Variants in CCDC178 observed in about 807,000 individuals in gnomAD.
CCDC178 encodes coiled-coil domain-containing protein 178.
Under a neutral mutation model 117.4 loss-of-function variants are expected in CCDC178, and 126 were observed. The ratio of observed to expected loss-of-function variants is 1.07; its 90% confidence interval spans 0.93 to 1.24. The LOEUF is 1.24. Among genes scored for constraint, CCDC178 ranks in the 50% most tolerant of loss-of-function variants. CCDC178 has a pLI of 0.00. For missense variants in CCDC178, 1,030 were observed against 986.9 expected (o/e 1.04, Z -0.59); for synonymous variants, 283 against 313.4 (o/e 0.90, Z 1.02).
In CCDC178 at chr18:33,298,290, G is replaced by A. The variant is rs148235564; in HGVS notation, c.1023-4978C>T. On this transcript the variant is annotated intron_variant, in intron 11 of 22. Transcript: ENST00000383096. Reference sequence around the variant, plus strand: ...ATGATAACACACCATGATCAGGTGGGATTTATCCCAGAAAGTCAAGAATGA... The same window carrying A: ...ATGATAACACACCATGATCAGGTGGAATTTATCCCAGAAAGTCAAGAATGA... Among the ~76,000 whole-genome samples, 808 of 152,246 alleles carry A rather than the reference G, an allele frequency of 5.3e-3. 8 individuals carry two copies. Among genetic ancestry groups the A allele is most frequent in the Non-Finnish European group, 6.3e-3 (427 of 68,026 alleles).
intron 20 of CCDC178, 143 bp downstream of exon 20, chr18:33,211,752 AC>A (rs2059110026): frequency 1.6e-6 from 1 of 608,558 alleles, no homozygotes; most frequent in Admixed American, 3.8e-5. Flanking sequence ...AACAATGAAA[AC>A]TTCCAGGTTT....
intron 21 of CCDC178, among the ~76,000 whole-genome samples, chr18:33,041,762 G>A (rs2056553948): frequency 6.6e-6 from 1 of 151,620 alleles, no homozygotes; most frequent in African/African-American, 2.4e-5. Context: ...CAATATCAGA[G>A]TTGAAGAATT....
chr18:33,153,733 A>AATAT (rs2058363782), intron 20 of CCDC178, among the ~76,000 whole-genome samples: 1 of 152,074 alleles, frequency 6.6e-6, no homozygotes, highest in African/African-American at 2.4e-5. Context: ...TTATACAGTA[A>AATAT]ATGTTCTTCA....
At chr18:33,389,855 G>A (rs2063543445) in intron 4 of CCDC178, among the ~76,000 whole-genome samples, 1 of 151,732 alleles carries the variant, frequency 6.6e-6, no homozygotes, top group Non-Finnish European at 1.5e-5. Flanking sequence ...AAAATAGCAT[G>A]AGGCTGTTTA....
At chr18:33,364,729 CTCCTTT>C (rs1409341742) in intron 6 of CCDC178, among the ~76,000 whole-genome samples, 6 of 123,608 alleles carry the variant, frequency 4.9e-5, no homozygotes, top group Non-Finnish European at 9.8e-5. Context: ...TCTGTTGTCG[CTCCTTT>C]TTTTTTTTTT....
chr18:33,215,399 C>A (rs994220093), intron 19 of CCDC178, 151 bp downstream of exon 19: 10 of 486,042 alleles, frequency 2.1e-5, no homozygotes, highest in Admixed American at 9.8e-5. Flanking sequence ...CTTTTATAAA[C>A]TAAAATTATC....
At chr18:33,288,987 ATAC>A in intron 12 of CCDC178, among the ~76,000 whole-genome samples, 1 of 152,316 alleles carries the variant, frequency 6.6e-6, no homozygotes, top group African/African-American at 2.4e-5. Context: ...AGAGAAACTC[ATAC>A]TACTATCTAT....
In CCDC178 at chr18:33,166,875, C is replaced by T. The variant is rs181402211; in HGVS notation, c.2238+45021G>A. The stretch of plus-strand genomic sequence containing the variant: ...GATTGATGAAGAGATTATTTTGTTA[C>T]TCAGGTAATAAGCATAGTACCTGAT... On this transcript the variant is annotated intron_variant, in intron 20 of 22. Coordinates refer to ENST00000383096, the MANE Select transcript of CCDC178 (RefSeq NM_001105528.4). 1.5e-3 allele frequency among the ~76,000 whole-genome samples: 232 copies of T among 152,270 alleles called. 1 individual carries two copies. Among genetic ancestry groups the T allele is most frequent in the Admixed American group, 3.9e-3 (59 of 15,294 alleles).
At chr18:33,082,315 A>C (rs540600605) in intron 21 of CCDC178, among the ~76,000 whole-genome samples, 2 of 152,204 alleles carry the variant, frequency 1.3e-5, no homozygotes, top group South Asian at 4.2e-4. Context: ...TACCAAAAGT[A>C]CAAAAAATTA....
At chr18:33,269,816 T>C (rs992425880) in intron 12 of CCDC178, among the ~76,000 whole-genome samples, 8 of 151,770 alleles carry the variant, frequency 5.3e-5, no homozygotes, top group Non-Finnish European at 7.4e-5. Context: ...ATTTAAAATG[T>C]TCAGTTTTCA....
At chr18:33,382,907 G>C (rs1198211583) in intron 5 of CCDC178, among the ~76,000 whole-genome samples, 1 of 152,194 alleles carries the variant, frequency 6.6e-6, no homozygotes, top group Non-Finnish European at 1.5e-5. Context: ...TGCCCAGCAA[G>C]CTGAGAACCA....
At chr18:33,287,283 C>T (rs1364703592) in intron 12 of CCDC178, among the ~76,000 whole-genome samples, 3 of 152,104 alleles carry the variant, frequency 2.0e-5, no homozygotes, top group Non-Finnish European at 2.9e-5. Context: ...TAATGCACAT[C>T]GTTGCTTTTA....
At chr18:33,426,718 C>T (rs1322984937) in intron 2 of CCDC178, among the ~76,000 whole-genome samples, 1 of 152,156 alleles carries the variant, frequency 6.6e-6, no homozygotes, top group Non-Finnish European at 1.5e-5. Context: ...ATTGCACTTA[C>T]AGTCTCTTGA....
intron 20 of CCDC178, among the ~76,000 whole-genome samples, chr18:33,126,453 G>GTA (rs988560776): frequency 6.7e-5 from 10 of 149,166 alleles, no homozygotes; most frequent in Non-Finnish European, 1.5e-4. Context: ...TGAAATATAT[G>GTA]TATATATATA....
chr18:33,196,451 C>T (rs781529195), intron 20 of CCDC178, among the ~76,000 whole-genome samples: 3 of 152,132 alleles, frequency 2.0e-5, no homozygotes, highest in African/African-American at 4.8e-5. Flanking sequence ...TATTCTGTTA[C>T]TATGATAAAA....
chr18:33,286,682 T>G (rs374756717), intron 12 of CCDC178, among the ~76,000 whole-genome samples: 82 of 152,244 alleles, frequency 5.4e-4, no homozygotes, highest in African/African-American at 1.9e-3. Context: ...CCAACTAATA[T>G]GCCAAAGGAA....
intron 22 of CCDC178, among the ~76,000 whole-genome samples, chr18:32,940,574 T>G (rs1478056288): frequency 6.6e-6 from 1 of 151,914 alleles, no homozygotes; most frequent in East Asian, 1.9e-4. Flanking sequence ...GTTTTGTAAC[T>G]CGTTTTCTCC....
chr18:33,093,035 G>C (rs1322624925), intron 20 of CCDC178, 125 bp from the exon 21 acceptor site: 1 of 505,000 alleles, frequency 2.0e-6, no homozygotes, highest in East Asian at 3.5e-5. Flanking sequence ...ATGTATAGTA[G>C]AAAAATAACA....
chr18:33,064,833 A>G (rs558252232), intron 21 of CCDC178, among the ~76,000 whole-genome samples: 4 of 152,318 alleles, frequency 2.6e-5, no homozygotes, highest in Non-Finnish European at 4.4e-5. Context: ...ACAACGAACA[A>G]TAAAAGAAAA....
Sources: gnomAD v4.1 joint callset for allele counts (sites outside exome capture counted in the v4.1 genomes callset) on GRCh38, gnomAD v4.1.1 for gene constraint, MANE v1.5 for transcripts, NCBI Gene and HGNC (gene_info 2026-07-23, HGNC 2026-07-21) for gene names.